SEC24B: variants seen among roughly 807,000 people sequenced by gnomAD.
SEC24B encodes SEC24 homolog B, COPII component, also known as protein transport protein Sec24B.
A neutral mutation model predicts 142.8 loss-of-function variants in SEC24B; 45 were observed. The observed-to-expected ratio is 0.32, with a 90% CI of 0.25 to 0.40. The LOEUF (loss-of-function observed/expected upper bound fraction) is 0.40, where lower values mean the gene tolerates loss of function less well. SEC24B is among the 10% of genes least tolerant of loss of function. The pLI, the probability that SEC24B is intolerant of heterozygous loss-of-function variation, is 1.00. For missense variants in SEC24B, 1,409 were observed against 1,526.8 expected (o/e 0.92, Z 1.29); for synonymous variants, 574 against 568.2 (o/e 1.01, Z -0.15).
Position 109,525,545 on chromosome 4 carries a change from T to C in SEC24B, c.2791+41T>C. 4 of 1,413,176 alleles carry C rather than the reference T, an allele frequency of 2.8e-6. No individual in the cohort carries two copies. In the South Asian group the frequency reaches 4.3e-5, roughly 15 times the overall value. 87.5% of individuals were successfully genotyped at this position (1,413,176 alleles called of 1,614,324 possible). A position where few individuals can be genotyped will look rare whatever the true frequency, so the allele number is the denominator to read the frequency against. On this transcript the variant is annotated intron_variant, in intron 16 of 23. Coordinates refer to ENST00000265175, the MANE Select transcript of SEC24B (RefSeq NM_006323.5). ...AGTTATATTTTATATTAAATACTTG[T>C]ATCAAAGTCAGTGAGCATTCCATGT...
chr4:109,502,492 G>T (rs1307882878), intron 6 of SEC24B, among the ~76,000 whole-genome samples: 2 of 152,202 alleles, frequency 1.3e-5, no homozygotes, highest in African/African-American at 4.8e-5. Flanking sequence ...GTATCATGGA[G>T]GTTGTAAAAA....
At chr4:109,502,978 T>C (rs1736304995) in intron 6 of SEC24B, among the ~76,000 whole-genome samples, 1 of 152,152 alleles carries the variant, frequency 6.6e-6, no homozygotes, top group African/African-American at 2.4e-5. Flanking sequence ...ATGTTGACAT[T>C]GGTTTTTAAT....
chr4:109,532,252 T>G lies in SEC24B; in HGVS notation c.3391-387T>G, dbSNP rs1488169750. The stretch of plus-strand genomic sequence containing the variant: ...ATAATTTTAATGTGCAAATATGTAG[T>G]GTCTTTTATCTTCCCTGTGTGAAAA... On this transcript the variant is annotated intron_variant, in intron 20 of 23. Coordinates refer to ENST00000265175, the MANE Select transcript of SEC24B (RefSeq NM_006323.5). Among the ~76,000 whole-genome samples the G allele has an allele frequency of 2.0e-5, 3 of 152,214 alleles. No individual in the cohort carries two copies. The East Asian group carries it at 5.8e-4, about 29-fold the overall frequency.
chr4:109,445,241 T>TC (rs1729327072), intron 1 of SEC24B, among the ~76,000 whole-genome samples: 4 of 136,586 alleles, frequency 2.9e-5, no homozygotes, highest in African/African-American at 1.0e-4. Context: ...TTTCTTTCTT[T>TC]GTTTTTTTTT....
chr4:109,516,399 A>C, intron 10 of SEC24B, 129 bp from the exon 11 acceptor site: 2 of 603,318 alleles, frequency 3.3e-6, no homozygotes, highest in East Asian at 5.7e-5. Context: ...AGCACATATT[A>C]CAAAATAGCA....
chr4:109,462,326 C>G (rs2125931000), intron 1 of SEC24B, among the ~76,000 whole-genome samples: 1 of 152,304 alleles, frequency 6.6e-6, no homozygotes, highest in East Asian at 1.9e-4. Flanking sequence ...CACAGTTTCT[C>G]AGGAAGATAA....
At chr4:109,512,404 C>G (rs1334020304) in intron 9 of SEC24B, among the ~76,000 whole-genome samples, 1 of 152,180 alleles carries the variant, frequency 6.6e-6, no homozygotes, top group African/African-American at 2.4e-5. Flanking sequence ...TTGGTTCATT[C>G]AACTCAGGTA....
At chr4:109,501,524 G>T (rs1411571682) in intron 6 of SEC24B, among the ~76,000 whole-genome samples, 1 of 152,206 alleles carries the variant, frequency 6.6e-6, no homozygotes, top group Non-Finnish European at 1.5e-5. Flanking sequence ...AAGCTGGAAT[G>T]CAATGGCAGG....
chr4:109,508,852 ATCAAATGCC>A (rs1253229024), intron 7 of SEC24B, among the ~76,000 whole-genome samples: 3 of 152,230 alleles, frequency 2.0e-5, no homozygotes, highest in South Asian at 4.1e-4. Context: ...ATAAACATTT[ATCAAATGCC>A]TTGGAAGTTA....
rs116940485 is a variant in SEC24B at position 109,521,446 on chromosome 4, A to G, written c.2328A>G (p.Leu776=). The change falls in exon 14 of 24, where the codon TTA becomes TTG. Residue 776 remains leucine, a synonymous_variant. Coordinates refer to ENST00000265175, the MANE Select transcript of SEC24B (RefSeq NM_006323.5). ...KELIKDLLNA[L]PNMFTNTRET... ...TTATAAAAGACTTACTGAATGCATT[A>G]CCAAACATGTTCACCAATACAAGAG... 9,827 of 1,614,036 alleles carry G rather than the reference A, an allele frequency of 6.1e-3. 395 individuals carry two copies. The South Asian group carries it at 0.072, about 12-fold the overall frequency.
Position 109,539,741 on chromosome 4 carries a change from G to A in SEC24B, c.*66G>A, listed in dbSNP as rs531459485. On this transcript the variant is annotated 3_prime_UTR_variant, in exon 24 of 24. Transcript: ENST00000265175. ...GTAAAGCATAATCTGTCAGAGAAGC[G>A]CGTGAGAAATTTGAAATGAAGGCAT... 96 of 1,060,914 alleles carry A rather than the reference G, an allele frequency of 9.0e-5. No homozygotes were observed. Among genetic ancestry groups the A allele is most frequent in the Middle Eastern group, 8.8e-4 (3 of 3,420 alleles). The allele number at this position is 1,060,914 out of a possible 1,614,324, so 65.7% of individuals were successfully genotyped here. A position where few individuals can be genotyped will look rare whatever the true frequency, so the allele number is the denominator to read the frequency against.
rs6857662 is a variant in SEC24B at position 109,469,714 on chromosome 4, T to C, written c.878-3290T>C. On this transcript the variant is annotated intron_variant, in intron 2 of 23. Transcript: ENST00000265175. ...TAAAACTTCTCAGAGAAAATCTCTA[T>C]CTCTAGAACCTTGGAGTAGGGAAGG... Among the ~76,000 whole-genome samples, 296 of 152,288 alleles carry C rather than the reference T, an allele frequency of 1.9e-3. 2 individuals are homozygous for C. The highest frequency in any genetic ancestry group is 6.8e-3 in the African/African-American group (283 of 41,560).
intron 1 of SEC24B, among the ~76,000 whole-genome samples, chr4:109,450,485 C>A (rs1288673820): frequency 6.6e-6 from 1 of 151,752 alleles, no homozygotes; most frequent in Admixed American, 6.6e-5. Context: ...TGGTGAAACC[C>A]CATCTCTACT....
rs1723606608 is a variant in SEC24B at position 109,521,466 on chromosome 4, C to G, written c.2348C>G (p.Thr783Arg). 1.2e-6 allele frequency: 2 copies of G among 1,613,984 alleles called. No homozygotes were observed. Among genetic ancestry groups the G allele is most frequent in the Admixed American group, 3.3e-5 (2 of 60,006 alleles). ...GCATTACCAAACATGTTCACCAATA[C>G]AAGAGAAACACACAGTGCCCTTGGT... ...LNALPNMFTN[T>R]RETHSALGPA... is the part of the protein sequence containing the mutation. Residue 783 changes from threonine (T) to arginine (R), a missense_variant, in exon 14 of 24, where the codon ACA (threonine) becomes AGA (arginine). Transcript: ENST00000265175.
intron 14 of SEC24B, among the ~76,000 whole-genome samples, 184 bp downstream of exon 14, chr4:109,521,810 C>T (rs1459862250): frequency 6.6e-6 from 1 of 152,140 alleles, no homozygotes; most frequent in African/African-American, 2.4e-5. Flanking sequence ...TGTCTCACTG[C>T]AACCTCTGCT....
chr4:109,509,064 T>C (rs1316628692), intron 7 of SEC24B, among the ~76,000 whole-genome samples: 2 of 152,178 alleles, frequency 1.3e-5, no homozygotes, highest in Non-Finnish European at 2.9e-5. Context: ...GTGACTCTTG[T>C]AAATAGAAGA....
chr4:109,502,165 G>A (rs898656693), intron 6 of SEC24B, among the ~76,000 whole-genome samples: 1 of 152,146 alleles, frequency 6.6e-6, no homozygotes, highest in Non-Finnish European at 1.5e-5. Flanking sequence ...ACTTAAGGCA[G>A]GAACAAGTTT....
chr4:109,464,881 G>A (rs547345097), intron 2 of SEC24B, among the ~76,000 whole-genome samples: 9 of 152,242 alleles, frequency 5.9e-5, no homozygotes, highest in African/African-American at 1.9e-4. Context: ...AACAAAAAGG[G>A]GGTATTTTCC....
chr4:109,517,693 C>T (rs1021786556), intron 11 of SEC24B, among the ~76,000 whole-genome samples: 8 of 151,850 alleles, frequency 5.3e-5, no homozygotes, highest in African/African-American at 1.9e-4. Context: ...TTCAAAACAA[C>T]ATGTTTTACA....
Sources: allele counts gnomAD v4.1 joint callset (sites outside exome capture counted in the v4.1 genomes callset), GRCh38; gene constraint gnomAD v4.1.1; transcripts MANE v1.5; gene names NCBI Gene and HGNC (gene_info 2026-07-23, HGNC 2026-07-21).